CSMD1: variants seen among roughly 807,000 people sequenced by gnomAD.
CSMD1 encodes the protein CUB and sushi domain-containing protein 1.
Under a neutral mutation model 417.5 loss-of-function variants are expected in CSMD1, and 213 were observed. The observed-to-expected ratio is 0.51, with a 90% CI of 0.46 to 0.57. The LOEUF (loss-of-function observed/expected upper bound fraction) is 0.57, where lower values mean the gene tolerates loss of function less well. CSMD1 is among the 20% of genes least tolerant of loss of function. The pLI is 0.00. For synonymous variants in CSMD1, 2,862 were observed against 1,736.8 expected (o/e 1.65, Z -16.11); for missense variants, 6,923 against 4,529.7 (o/e 1.53, Z -15.17).
At chr8:3,975,861 A>T (rs1563273991) in intron 5 of CSMD1, among the ~76,000 whole-genome samples, 1 of 152,120 alleles carries the variant, frequency 6.6e-6, no homozygotes, top group Non-Finnish European at 1.5e-5. Context: ...GTTGTCCTTC[A>T]TTTTTCCACA....
intron 1 of CSMD1, among the ~76,000 whole-genome samples, chr8:4,865,582 A>G (rs181697300): frequency 5.9e-5 from 9 of 152,086 alleles, no homozygotes; most frequent in Non-Finnish European, 1.0e-4. Flanking sequence ...AATGATTCCA[A>G]TTTCCACTGT....
intron 3 of CSMD1, among the ~76,000 whole-genome samples, chr8:4,100,088 A>C (rs1447013071): frequency 2.0e-5 from 3 of 151,948 alleles, no homozygotes; most frequent in African/African-American, 7.3e-5. Flanking sequence ...GTTAATCCAG[A>C]CTCCTACTCA....
chr8:4,331,118 A>C (rs1425842741), intron 3 of CSMD1, among the ~76,000 whole-genome samples: 2 of 152,146 alleles, frequency 1.3e-5, no homozygotes, highest in Non-Finnish European at 2.9e-5. Context: ...ATGAAAATAT[A>C]TTTCCCGAAA....
In CSMD1 at chr8:3,284,255, A is replaced by G; in HGVS notation, c.4042T>C (p.Trp1348Arg). The G allele has an allele frequency of 6.2e-7, 1 of 1,613,612 alleles. No individual in the cohort carries two copies. The highest frequency in any genetic ancestry group is 8.5e-7 in the Non-Finnish European group (1 of 1,179,726). Reference sequence around the variant, plus strand: ...TCCTCCGGAAGGGCGGAGCCACTCCACTCCTTCAGCAGGATGTCACTGTCC... The same window carrying G: ...TCCTCCGGAAGGGCGGAGCCACTCCGCTCCTTCAGCAGGATGTCACTGTCC... ...PVDSDILLKE[W>R]SGSALPEDIH... Residue 1348 changes from tryptophan (W) to arginine (R), a missense_variant, in exon 26 of 70, where the codon TGG becomes CGG. Physicochemically the swap from Trp to Arg is moderately radical, Grantham distance 101. Transcript: ENST00000635120.
chr8:3,122,642 G>A lies in CSMD1; in HGVS notation c.6242-4055C>T, dbSNP rs139042900. ...TCTCGTGATAGTGAATGAGTCTCAC[G>A]AGAGCTGATGCTTTTATCAGGGGTT... On this transcript the variant is annotated intron_variant, in intron 41 of 69. Transcript: ENST00000635120. Among the ~76,000 whole-genome samples, 420 of 152,240 alleles carry A rather than the reference G, an allele frequency of 2.8e-3. 8 individuals are homozygous for A. In the East Asian group the frequency reaches 0.05, roughly 18 times the overall value.
intron 12 of CSMD1, among the ~76,000 whole-genome samples, chr8:3,450,496 G>A (rs111613608): frequency 0.099 from 14,692 of 148,954 alleles, 1,303 homozygotes; most frequent in East Asian, 0.3. Context: ...GGTGTGTGAT[G>A]TTCCCCTTCC....
intron 6 of CSMD1, among the ~76,000 whole-genome samples, chr8:3,733,420 T>C (rs1010765601): frequency 6.7e-6 from 1 of 150,344 alleles, no homozygotes; most frequent in South Asian, 2.1e-4. Context: ...TGTAAGAATG[T>C]ACTTTTGATT....
chr8:3,443,695 A>C (rs1000803351), intron 12 of CSMD1, among the ~76,000 whole-genome samples: 11 of 152,224 alleles, frequency 7.2e-5, no homozygotes, highest in African/African-American at 2.7e-4. Flanking sequence ...ATTTTAAAGC[A>C]ATCTAAAATG....
At chr8:4,305,782 C>G (rs960528910) in intron 3 of CSMD1, among the ~76,000 whole-genome samples, 2 of 152,088 alleles carry the variant, frequency 1.3e-5, no homozygotes, top group Admixed American at 6.6e-5. Flanking sequence ...TTTCACTTCA[C>G]AAAAGTGATT....
chr8:4,377,263 C>T (rs527427576), intron 3 of CSMD1, among the ~76,000 whole-genome samples: 5 of 152,246 alleles, frequency 3.3e-5, no homozygotes, highest in Non-Finnish European at 7.3e-5. Flanking sequence ...AAGCAACTAT[C>T]ACCCCTGGGA....
At chr8:4,575,778 T>C (rs1344297) in intron 2 of CSMD1, among the ~76,000 whole-genome samples, 69,204 of 152,066 alleles carry the variant, frequency 0.46, 18,492 homozygotes, top group African/African-American at 0.75. Context: ...TTATCAACAA[T>C]TGCTGGTCTC....
intron 3 of CSMD1, among the ~76,000 whole-genome samples, chr8:4,393,183 C>T (rs1274877617): frequency 2.0e-5 from 3 of 151,862 alleles, no homozygotes; most frequent in African/African-American, 7.2e-5. Context: ...ACCATGTTGC[C>T]CAGGATGGTC....
intron 3 of CSMD1, among the ~76,000 whole-genome samples, chr8:4,148,132 G>C (rs1335476166): frequency 6.6e-6 from 1 of 152,034 alleles, no homozygotes; most frequent in African/African-American, 2.4e-5. Flanking sequence ...ACATGCTCTG[G>C]GTGAAGCTCA....
chr8:4,269,103 C>G (rs1804406508), intron 3 of CSMD1, among the ~76,000 whole-genome samples: 1 of 152,198 alleles, frequency 6.6e-6, no homozygotes, highest in African/African-American at 2.4e-5. Flanking sequence ...GTCGCCCAGG[C>G]TGGAGTGCAG....
At chr8:3,197,705 C>T (rs1161883940) in intron 33 of CSMD1, among the ~76,000 whole-genome samples, 1 of 152,040 alleles carries the variant, frequency 6.6e-6, no homozygotes, top group Non-Finnish European at 1.5e-5. Context: ...ACCTCGTGAT[C>T]CGCCCGCCTC....
chr8:4,696,656 C>A (rs190908730), intron 1 of CSMD1, among the ~76,000 whole-genome samples: 1 of 152,296 alleles, frequency 6.6e-6, no homozygotes, highest in Admixed American at 6.5e-5. Context: ...TCTGGTTTCT[C>A]TTTTATTGTT....
chr8:4,088,643 C>G (rs1432062895), intron 3 of CSMD1, among the ~76,000 whole-genome samples: 3 of 152,134 alleles, frequency 2.0e-5, no homozygotes, highest in African/African-American at 7.2e-5. Flanking sequence ...GAGTAAAGCC[C>G]AAAGTCATTG....
chr8:3,863,138 C>T (rs543862225), intron 5 of CSMD1, among the ~76,000 whole-genome samples: 126 of 152,268 alleles, frequency 8.3e-4, no homozygotes, highest in African/African-American at 2.9e-3. Context: ...TGGCTAATGC[C>T]TGTAATCCCA....
intron 7 of CSMD1, among the ~76,000 whole-genome samples, chr8:3,686,218 C>T (rs534177532): frequency 8.5e-5 from 13 of 152,058 alleles, no homozygotes; most frequent in African/African-American, 3.1e-4. Flanking sequence ...TGTGGGTCAC[C>T]CCCTTGAGTT....
Sources: allele counts gnomAD v4.1 joint callset (sites outside exome capture counted in the v4.1 genomes callset), GRCh38; gene constraint gnomAD v4.1.1; transcripts MANE v1.5; gene names NCBI Gene and HGNC (gene_info 2026-07-23, HGNC 2026-07-21).